The following NTM variants were observed in gnomAD, a reference collection of about 807,000 sequenced individuals.
The protein encoded by NTM is IgLON family member 2.
NTM carries 13 observed loss-of-function variants against 42.1 expected under a neutral mutation model. The ratio of observed to expected loss-of-function variants is 0.31; its 90% CI spans 0.20 to 0.49. The LOEUF (loss-of-function observed/expected upper bound fraction) is 0.49. Ranked by LOEUF, NTM falls within the 20% of genes least tolerant of loss-of-function variation. NTM has a pLI of 0.99. For synonymous variants in NTM, 187 were observed against 179.2 expected, an observed-to-expected ratio of 1.04 and a Z score of -0.35; for missense variants, 373 against 452.8, an observed-to-expected ratio of 0.82 and a Z score of 1.60.
At chr11:131,603,877 T>C (rs1287358498) in intron 1 of NTM, among the ~76,000 whole-genome samples, 3 of 152,218 alleles carry the variant, frequency 2.0e-5, no homozygotes, top group African/African-American at 7.2e-5. Context: ...CATTTCTTTT[T>C]ATGGTCAAAT....
At chr11:131,554,760 A>G (rs1418655509) in intron 1 of NTM, among the ~76,000 whole-genome samples, 1 of 152,138 alleles carries the variant, frequency 6.6e-6, no homozygotes, top group East Asian at 1.9e-4. Flanking sequence ...GTTTTTTGAA[A>G]TCACCTGGAT....
At chr11:131,975,188 T>G (rs889553588) in intron 2 of NTM, among the ~76,000 whole-genome samples, 1 of 144,280 alleles carries the variant, frequency 6.9e-6, no homozygotes, top group Admixed American at 6.8e-5. Context: ...GAATCTTGCC[T>G]TCTTTTTTTT....
At chr11:131,989,730 C>CACAT (rs2066689834) in intron 2 of NTM, among the ~76,000 whole-genome samples, 1 of 151,856 alleles carries the variant, frequency 6.6e-6, no homozygotes, top group South Asian at 2.1e-4. Context: ...CACACACACA[C>CACAT]ACACACACAC....
chr11:132,320,227 CAGA>C (rs1286547256), intron 7 of NTM, among the ~76,000 whole-genome samples: 1 of 152,236 alleles, frequency 6.6e-6, no homozygotes, highest in East Asian at 1.9e-4. Flanking sequence ...CTGAGCGACG[CAGA>C]AGATGGGTGA....
At chr11:131,547,819 T>C (rs929834580) in intron 1 of NTM, among the ~76,000 whole-genome samples, 1 of 152,212 alleles carries the variant, frequency 6.6e-6, no homozygotes, top group African/African-American at 2.4e-5. Context: ...TGCACATCAA[T>C]CTTATCTCCC....
chr11:132,328,721 G>A (rs927211201), intron 7 of NTM, among the ~76,000 whole-genome samples: 3 of 152,088 alleles, frequency 2.0e-5, no homozygotes, highest in African/African-American at 7.2e-5. Flanking sequence ...TCTTTAGTCT[G>A]TCCTTCCTCC....
intron 1 of NTM, among the ~76,000 whole-genome samples, chr11:131,446,199 G>A (rs1950043244): frequency 2.0e-5 from 3 of 152,190 alleles, no homozygotes; most frequent in Admixed American, 1.3e-4. Flanking sequence ...TAAGTTTGGT[G>A]TTGTGAGGCT....
At chr11:132,230,838 A>G (rs567694563) in intron 4 of NTM, among the ~76,000 whole-genome samples, 3 of 152,294 alleles carry the variant, frequency 2.0e-5, no homozygotes, top group South Asian at 4.1e-4. Flanking sequence ...CCTAGGCAAC[A>G]TAATGAGACC....
chr11:132,215,960 A>C (rs1183976644), intron 4 of NTM, among the ~76,000 whole-genome samples: 1 of 152,216 alleles, frequency 6.6e-6, no homozygotes, highest in Non-Finnish European at 1.5e-5. Flanking sequence ...TACTAGGTGC[A>C]CAGGCACCGT....
At chr11:132,100,114 G>A (rs552029466) in intron 2 of NTM, among the ~76,000 whole-genome samples, 2 of 152,288 alleles carry the variant, frequency 1.3e-5, no homozygotes, top group African/African-American at 4.8e-5. Flanking sequence ...TACACTATGA[G>A]AGACCTTTTT....
chr11:131,968,028 A>G (rs544280338), intron 2 of NTM, among the ~76,000 whole-genome samples: 1 of 152,308 alleles, frequency 6.6e-6, no homozygotes, highest in East Asian at 1.9e-4. Context: ...GCTAGAAATA[A>G]CATAAATAAA....
intron 7 of NTM, chr11:132,317,695 G>C: frequency 7.7e-7 from 1 of 1,302,010 alleles, no homozygotes; most frequent in Non-Finnish European, 1.0e-6. Context: ...TGCAAGGTCA[G>C]TATCTTCCTT....
chr11:132,115,783 C>G (rs564546851), intron 2 of NTM, among the ~76,000 whole-genome samples: 2 of 152,334 alleles, frequency 1.3e-5, no homozygotes, highest in East Asian at 3.9e-4. Flanking sequence ...CATTGATTAT[C>G]ACTCAAACCT....
chr11:132,162,003 G>C (rs1390041366), intron 3 of NTM, among the ~76,000 whole-genome samples: 2 of 152,192 alleles, frequency 1.3e-5, no homozygotes, highest in Non-Finnish European at 2.9e-5. Context: ...AATTCTCTCC[G>C]TGCGCAGTGC....
chr11:132,204,747 G>T (rs541499593), intron 3 of NTM, among the ~76,000 whole-genome samples: 1 of 152,266 alleles, frequency 6.6e-6, no homozygotes, highest in South Asian at 2.1e-4. Context: ...TTGCCTTCAT[G>T]CTCCATGACA....
At chr11:131,716,129 T>A (rs1210530692) in intron 1 of NTM, among the ~76,000 whole-genome samples, 3 of 152,166 alleles carry the variant, frequency 2.0e-5, no homozygotes, top group Non-Finnish European at 1.5e-5. Context: ...ACTTTCTGGT[T>A]TATGGATGGC....
intron 2 of NTM, among the ~76,000 whole-genome samples, chr11:132,005,931 TAAAAG>T (rs2070659969): frequency 6.6e-6 from 1 of 152,212 alleles, no homozygotes; most frequent in Non-Finnish European, 1.5e-5. Flanking sequence ...TTTGAAGAAA[TAAAAG>T]GTAAAGATTT....
chr11:131,741,695 A>T (rs2081221996), intron 1 of NTM, among the ~76,000 whole-genome samples: 1 of 152,222 alleles, frequency 6.6e-6, no homozygotes, highest in Non-Finnish European at 1.5e-5. Context: ...TAAATAAAGG[A>T]TGGCCTATAT....
intron 1 of NTM, among the ~76,000 whole-genome samples, chr11:131,786,466 C>T (rs2089238138): frequency 6.6e-6 from 1 of 152,148 alleles, no homozygotes; most frequent in African/African-American, 2.4e-5. Context: ...AGAACAATTA[C>T]TAAAGTCAAC....
Sources: allele counts gnomAD v4.1 joint callset (sites outside exome capture counted in the v4.1 genomes callset), GRCh38; gene constraint gnomAD v4.1.1; transcripts MANE v1.5; gene names NCBI Gene and HGNC (gene_info 2026-07-23, HGNC 2026-07-21).